FLACC1: variants seen among roughly 807,000 people sequenced by gnomAD.
FLACC1 encodes flagellum-associated coiled-coil domain-containing protein 1.
FLACC1 carries 66 observed loss-of-function variants against 62.8 expected under a neutral mutation model. That is an observed-to-expected ratio of 1.05 (90% CI 0.86 to 1.29). The LOEUF (loss-of-function observed/expected upper bound fraction) is 1.29. FLACC1 is among the 50% of genes most tolerant of loss of function. The pLI, the probability that FLACC1 is intolerant of heterozygous loss-of-function variation, is 0.00. For synonymous variants in FLACC1, 156 were observed against 161.0 expected (o/e 0.97, Z 0.24); for missense variants, 452 against 489.1 (o/e 0.92, Z 0.71).
At chr2:201,360,169 T>G (rs1279210786), upstream of FLACC1, among the ~76,000 whole-genome samples, 1 of 152,236 alleles carries the variant, frequency 6.6e-6, no homozygotes, top group African/African-American at 2.4e-5. Flanking sequence ...GTTTAGGGGC[T>G]AAGTGTTAAG....
the FLACC1 span, among the ~76,000 whole-genome samples, chr2:201,364,256 G>C: frequency 2.0e-5 from 3 of 152,042 alleles, no homozygotes; most frequent in Non-Finnish European, 1.5e-5. Flanking sequence ...TCCCTAGAGA[G>C]GGGGGAAAAG....
intron 5 of FLACC1, among the ~76,000 whole-genome samples, chr2:201,344,747 G>T (rs911079578): frequency 3.9e-5 from 6 of 152,190 alleles, no homozygotes; most frequent in Non-Finnish European, 8.8e-5. Flanking sequence ...GGTTTTCTGT[G>T]TTTCTGGGTC....
chr2:201,289,611 C>T (rs1949683215), intron 13 of FLACC1, 45 bp from the exon 14 acceptor site: 1 of 1,612,740 alleles, frequency 6.2e-7, no homozygotes, highest in Admixed American at 1.7e-5. Flanking sequence ...AACCCAGAGC[C>T]ATCCAGGGCA....
intron 12 of FLACC1, 82 bp from the exon 13 acceptor site, chr2:201,289,867 G>A (rs1949692442): frequency 6.2e-7 from 1 of 1,607,886 alleles, no homozygotes; most frequent in Non-Finnish European, 8.5e-7. Flanking sequence ...GGACTATGAT[G>A]AAAGGGAGCA....
intron 9 of FLACC1, among the ~76,000 whole-genome samples, chr2:201,320,609 G>A (rs1381953505): frequency 6.6e-6 from 1 of 152,176 alleles, no homozygotes; most frequent in Non-Finnish European, 1.5e-5. Context: ...CAGCAACACT[G>A]CCTTTTGGAA....
chr2:201,324,965 T>C (rs1435886831), intron 9 of FLACC1, among the ~76,000 whole-genome samples: 1 of 151,990 alleles, frequency 6.6e-6, no homozygotes, highest in African/African-American at 2.4e-5. Flanking sequence ...CCATCTTTAC[T>C]AAAAATACAA....
At chr2:201,350,600 G>C in intron 3 of FLACC1, 111 bp downstream of exon 3, 1 of 882,902 alleles carries the variant, frequency 1.1e-6, no homozygotes, top group Non-Finnish European at 1.8e-6. Flanking sequence ...AGAATCGCTT[G>C]AGACTGGGAG....
At chr2:201,342,544 G>T in intron 6 of FLACC1, 113 bp from the exon 7 acceptor site, 1 of 1,022,030 alleles carries the variant, frequency 9.8e-7, no homozygotes, top group Admixed American at 1.9e-5. Context: ...CCAATTCATG[G>T]GGCACAGCCC....
rs548219861 is a variant in FLACC1 at position 201,302,713 on chromosome 2, G to A, written c.880-3413C>T. Among the ~76,000 whole-genome samples the A allele has an allele frequency of 4.6e-5, 7 of 152,268 alleles. No individual in the cohort carries two copies. The East Asian group carries it at 1.4e-3, about 29-fold the overall frequency. ...ACTCCTCAGCAAATGTAAAAGAACA[G>A]AAATCACAACAAACCGTCTCTCAGA... On this transcript the variant is annotated intron_variant, in intron 11 of 14. Transcript: ENST00000392257.
chr2:201,297,696 G>A (rs1213265466), intron 12 of FLACC1, among the ~76,000 whole-genome samples: 3 of 152,150 alleles, frequency 2.0e-5, no homozygotes, highest in Non-Finnish European at 4.4e-5. Flanking sequence ...TAAAGGGGAG[G>A]TGACCCTTCT....
rs943630264 is a variant in FLACC1, at chr2:201,350,865, C to G, written c.114-83G>C. 16 of 1,162,622 alleles carry G rather than the reference C, an allele frequency of 1.4e-5. No individual in the cohort carries two copies. The East Asian group carries it at 3.6e-4, about 26-fold the overall frequency. 72.0% of individuals were successfully genotyped at this position (1,162,622 alleles called of 1,614,324 possible). ...TAACACTCCCAGATTAAGTACATCC[C>G]TATAGTGACCCAAAATTGGAATGCA... On this transcript the variant is annotated intron_variant, in intron 2 of 14. Transcript: ENST00000392257.
At chr2:201,305,501 T>A (rs1261848008) in intron 11 of FLACC1, among the ~76,000 whole-genome samples, 1 of 152,206 alleles carries the variant, frequency 6.6e-6, no homozygotes, top group Non-Finnish European at 1.5e-5. Flanking sequence ...GTAAACTAGT[T>A]CAACCATTGT....
intron 9 of FLACC1, among the ~76,000 whole-genome samples, chr2:201,312,847 T>C (rs987299671): frequency 4.6e-5 from 7 of 152,210 alleles, no homozygotes; most frequent in Admixed American, 3.9e-4. Context: ...AGGAAGTGGA[T>C]TGCTCCCGTA....
chr2:201,314,142 GA>G (rs567560141), intron 9 of FLACC1, among the ~76,000 whole-genome samples: 4 of 152,116 alleles, frequency 2.6e-5, no homozygotes. Context: ...CTGGTAATAT[GA>G]AAAAACAAGG....
chr2:201,332,720 C>T (rs988158885), intron 7 of FLACC1, among the ~76,000 whole-genome samples: 4 of 152,004 alleles, frequency 2.6e-5, no homozygotes. Flanking sequence ...CTATTCCCCC[C>T]ACCCCCTAGT....
intron 9 of FLACC1, among the ~76,000 whole-genome samples, chr2:201,316,386 A>T (rs1470620286): frequency 1.3e-5 from 2 of 152,194 alleles, no homozygotes; most frequent in Non-Finnish European, 2.9e-5. Flanking sequence ...ATTACAACTG[A>T]CACCACAGAA....
intron 12 of FLACC1, among the ~76,000 whole-genome samples, chr2:201,299,009 T>C (rs933356722): frequency 6.6e-6 from 1 of 152,246 alleles, no homozygotes; most frequent in African/African-American, 2.4e-5. Flanking sequence ...CATAGTATAT[T>C]GCTGATCTAT....
At chr2:201,352,529 C>T (rs192131228) in intron 1 of FLACC1, among the ~76,000 whole-genome samples, 233 of 152,216 alleles carry the variant, frequency 1.5e-3, no homozygotes, top group Admixed American at 2.6e-3. Context: ...AAGGGATGTC[C>T]GTACATGTTT....
In FLACC1 at chr2:201,330,772, A is replaced by G. The variant is rs1950577592; in HGVS notation, c.586T>C (p.Leu196=). The change falls in exon 8 of 15, where the codon TTG becomes CTG. Residue 196 remains leucine (L), a synonymous_variant. Transcript: ENST00000392257. ...SELENNYKAA[L]KAEKLAAQEK... The stretch of plus-strand genomic sequence containing the variant: ...TGGGCAGCCAACTTCTCTGCCTTCA[A>G]GGCTGCTTTGTAGTTGTTCTCCAAC... 6.2e-7 allele frequency: 1 copy of G among 1,613,764 alleles called. No homozygotes were observed.
Sources: allele counts gnomAD v4.1 joint callset (sites outside exome capture counted in the v4.1 genomes callset), GRCh38; gene constraint gnomAD v4.1.1; transcripts MANE v1.5; gene names NCBI Gene and HGNC (gene_info 2026-07-23, HGNC 2026-07-21).